Variants in XPR1 observed in about 807,000 individuals in gnomAD.
XPR1 encodes the protein xenotropic and polytropic retrovirus receptor 1.
XPR1 carries 28 observed loss-of-function variants against 87.5 expected under a neutral mutation model. That is an observed-to-expected ratio of 0.32 (90% CI 0.24 to 0.44). XPR1 has a LOEUF of 0.44. Among genes scored for constraint, XPR1 ranks in the 20% least tolerant of loss-of-function variants. The pLI is 1.00. For missense variants in XPR1, 559 were observed against 862.3 expected, an observed-to-expected ratio of 0.65 and a Z score of 4.41; for synonymous variants, 300 against 306.1, an observed-to-expected ratio of 0.98 and a Z score of 0.21.
chr1:180,878,494 TA>T (rs1354673509), intron 13 of XPR1, among the ~76,000 whole-genome samples: 38 of 152,358 alleles, frequency 2.5e-4, no homozygotes, highest in African/African-American at 8.9e-4. Flanking sequence ...TAGTGCCTAC[TA>T]TGTAGCTGAC....
At chr1:180,789,093 C>CT (rs1442309361) in intron 3 of XPR1, among the ~76,000 whole-genome samples, 4 of 152,206 alleles carry the variant, frequency 2.6e-5, no homozygotes, top group African/African-American at 9.6e-5. Context: ...AGACAAGAGA[C>CT]TGAGTCCAGC....
At chr1:180,841,910 A>G (rs966881338) in intron 11 of XPR1, among the ~76,000 whole-genome samples, 4 of 152,232 alleles carry the variant, frequency 2.6e-5, no homozygotes, top group Non-Finnish European at 5.9e-5. Context: ...AACCATTGAC[A>G]GAAAATTTGA....
At chr1:180,760,560 A>G (rs1371709391) in intron 2 of XPR1, among the ~76,000 whole-genome samples, 1 of 152,200 alleles carries the variant, frequency 6.6e-6, no homozygotes, top group African/African-American at 2.4e-5. Flanking sequence ...CTTACAAGGG[A>G]TGTGAAGGAC....
intron 7 of XPR1, among the ~76,000 whole-genome samples, chr1:180,818,921 A>G (rs1650512108): frequency 6.6e-6 from 1 of 152,186 alleles, no homozygotes; most frequent in Non-Finnish European, 1.5e-5. Context: ...CTTGACTATT[A>G]ACAGTTAAAA....
At position 180,775,997 on chromosome 1, in the gene XPR1, C is replaced by T. The variant is rs567822183; in HGVS notation, c.122-11756C>T. 3.3e-3 allele frequency among the ~76,000 whole-genome samples: 499 copies of T among 152,234 alleles called. 3 individuals are homozygous for T. The highest frequency in any genetic ancestry group is 0.011 in the African/African-American group (469 of 41,548). On this transcript the variant is annotated intron_variant, in intron 2 of 14. Coordinates refer to ENST00000367590, the MANE Select transcript of XPR1 (RefSeq NM_004736.4). ...TTATAAAAGAAAGGCTTGTCTCTTA[C>T]GCAATCTAAATTTTGCTGTGATACG...
chr1:180,728,851 G>GT (rs11449953), intron 2 of XPR1, among the ~76,000 whole-genome samples: 2,616 of 152,034 alleles, frequency 0.017, 79 homozygotes, highest in African/African-American at 0.056. Context: ...TAATTTTCAG[G>GT]TTTTTTTTGT....
rs778122477 is a variant in XPR1, at chr1:180,803,407, G to A, written c.243G>A (p.Gln81=). 6.8e-6 allele frequency: 11 copies of A among 1,613,988 alleles called. No homozygotes were observed. Among genetic ancestry groups the A allele is most frequent in the Non-Finnish European group, 9.3e-6 (11 of 1,179,974 alleles). The change falls in exon 4 of 15, where the codon CAG becomes CAA. Residue 81 remains glutamine, a synonymous_variant. Coordinates refer to ENST00000367590, the MANE Select transcript of XPR1 (RefSeq NM_004736.4). ...TFYSEKLAEA[Q]RRFATLQNEL... is the part of the protein sequence containing the mutation. The stretch of plus-strand genomic sequence containing the variant: ...TTATAGAGAAGCTCGCAGAGGCTCA[G>A]CGCAGGTTTGCTACACTTCAGAATG...
chr1:180,779,845 C>T (rs1172234829), intron 2 of XPR1, among the ~76,000 whole-genome samples: 2 of 152,152 alleles, frequency 1.3e-5, no homozygotes, highest in African/African-American at 4.8e-5. Context: ...CCCCCAGCCC[C>T]TGCCTGCCAA....
chr1:180,780,996 C>A (rs1418430207), intron 2 of XPR1, among the ~76,000 whole-genome samples: 1 of 151,858 alleles, frequency 6.6e-6, no homozygotes, highest in African/African-American at 2.4e-5. Context: ...ATCTAAGAAA[C>A]CATTGCCCCA....
chr1:180,841,833 T>C (rs901507878), intron 11 of XPR1, among the ~76,000 whole-genome samples: 6 of 152,120 alleles, frequency 3.9e-5, no homozygotes, highest in Non-Finnish European at 8.8e-5. Context: ...TAAATATTCA[T>C]ATCACTAAAA....
At position 180,743,532 on chromosome 1, in the gene XPR1, A is replaced by T. The variant is rs575883951; in HGVS notation, c.122-44221A>T. ...AGTTGACAAAGATTTTATAGAACTCAAGAAGAATAGTTCATTATATATATA... is the reference window on the plus strand; with the variant it reads ...AGTTGACAAAGATTTTATAGAACTCTAGAAGAATAGTTCATTATATATATA... On this transcript the variant is annotated intron_variant, in intron 2 of 14. Coordinates refer to ENST00000367590, the MANE Select transcript of XPR1 (RefSeq NM_004736.4). Among the ~76,000 whole-genome samples the T allele has an allele frequency of 8.5e-5, 13 of 152,272 alleles. No homozygotes were observed. The East Asian group carries it at 2.5e-3, about 29-fold the overall frequency.
intron 7 of XPR1, among the ~76,000 whole-genome samples, chr1:180,817,732 C>T (rs551977280): frequency 2.0e-5 from 3 of 152,182 alleles, no homozygotes; most frequent in African/African-American, 7.2e-5. Context: ...TACATGATTC[C>T]ATTTACATGG....
intron 11 of XPR1, among the ~76,000 whole-genome samples, chr1:180,840,602 A>T (rs1169451171): frequency 7.2e-6 from 1 of 139,400 alleles, no homozygotes; most frequent in East Asian, 2.0e-4. Flanking sequence ...ACTGGACAAA[A>T]TTTTTTGCCC....
intron 1 of XPR1, among the ~76,000 whole-genome samples, chr1:180,650,128 TA>T (rs951245034): frequency 1.3e-4 from 19 of 151,900 alleles, no homozygotes; most frequent in South Asian, 1.0e-3. Flanking sequence ...GTTTTATACT[TA>T]AAAAAAAATT....
chr1:180,644,423 A>G (rs2101898078), intron 1 of XPR1, among the ~76,000 whole-genome samples: 1 of 144,730 alleles, frequency 6.9e-6, no homozygotes, highest in Middle Eastern at 3.5e-3. Flanking sequence ...TTTTTTTAAG[A>G]TAACGTTAAT....
intron 12 of XPR1, among the ~76,000 whole-genome samples, chr1:180,865,949 C>T (rs192309214): frequency 1.3e-5 from 2 of 152,298 alleles, no homozygotes; most frequent in African/African-American, 4.8e-5. Flanking sequence ...TGGTGGCTCA[C>T]ACCTGTAATC....
chr1:180,737,080 G>A (rs1658752895), intron 2 of XPR1, among the ~76,000 whole-genome samples: 1 of 152,166 alleles, frequency 6.6e-6, no homozygotes, highest in Non-Finnish European at 1.5e-5. Context: ...CTACTGGGGA[G>A]TTTAGATAAG....
intron 2 of XPR1, among the ~76,000 whole-genome samples, chr1:180,739,963 C>G (rs1658863482): frequency 6.6e-6 from 1 of 152,108 alleles, no homozygotes; most frequent in Non-Finnish European, 1.5e-5. Context: ...AAGACCACCT[C>G]AGCCTTCCAA....
At chr1:180,713,925 C>T (rs12132252) in intron 2 of XPR1, among the ~76,000 whole-genome samples, 47,705 of 151,630 alleles carry the variant, frequency 0.31, 8,244 homozygotes, top group Non-Finnish European at 0.38. Context: ...TTCATTAGTG[C>T]GGAAGAGTTT....
Sources: gnomAD v4.1 joint callset for allele counts (sites outside exome capture counted in the v4.1 genomes callset) on GRCh38, gnomAD v4.1.1 for gene constraint, MANE v1.5 for transcripts, NCBI Gene and HGNC (gene_info 2026-07-23, HGNC 2026-07-21) for gene names.